POLD1: variants seen among roughly 807,000 people sequenced by gnomAD.
POLD1 encodes the protein DNA polymerase delta 1, catalytic subunit.
In POLD1, 79 loss-of-function variants were observed where a neutral mutation model predicts 129.7. The ratio of observed to expected loss-of-function variants is 0.61; its 90% CI spans 0.51 to 0.73. The LOEUF is 0.73. Ranked by LOEUF, POLD1 falls within the 30% of genes least tolerant of loss-of-function variation. The pLI, the probability that POLD1 is intolerant of heterozygous loss-of-function variation, is 0.00. For synonymous variants in POLD1, 714 were observed against 683.3 expected (o/e 1.04, Z -0.70); for missense variants, 1,338 against 1,595.8 (o/e 0.84, Z 2.75).
chr19:50,394,516 A>G (rs987214870), intron 1 of POLD1, among the ~76,000 whole-genome samples: 1 of 152,032 alleles, frequency 6.6e-6, no homozygotes, highest in Non-Finnish European at 1.5e-5. Flanking sequence ...ATTAGCGGGT[A>G]TGATGGTGGA....
chr19:50,408,653 G>A, intron 14 of POLD1, 132 bp from the exon 15 acceptor site: 1 of 1,366,226 alleles, frequency 7.3e-7, no homozygotes, highest in South Asian at 1.4e-5. Context: ...AATGTGCTGG[G>A]ATTGCAGGAG....
rs1165074470 is a variant in POLD1 at position 50,402,521 on chromosome 19, A to C, written c.826A>C (p.Arg276=). The C allele has an allele frequency of 6.2e-7, 1 of 1,603,260 alleles. No individual in the cohort carries two copies. Among genetic ancestry groups the C allele is most frequent in the African/African-American group, 1.3e-5 (1 of 74,694 alleles). The stretch of plus-strand genomic sequence containing the variant: ...GCTCCCAGCTGGGAAATACGCCCTG[A>C]GGCTGAAGGAGAAGGTGCAGGGCTT... ...LELPAGKYAL[R]LKEKATQCQL... The change falls in exon 7 of 27, where the codon AGG becomes CGG. Residue 276 remains arginine (R), a synonymous_variant. Transcript: ENST00000440232.
At chr19:50,407,445 C>T (rs2038937789) in intron 14 of POLD1, 30 bp downstream of exon 14, 1 of 1,461,292 alleles carries the variant, frequency 6.8e-7, no homozygotes, top group South Asian at 1.2e-5. Flanking sequence ...GCAGTTTTTA[C>T]CTGTAATCTC....
At chr19:50,414,711 C>A in intron 19 of POLD1, 104 bp from the exon 20 acceptor site, 1 of 973,186 alleles carries the variant, frequency 1.0e-6, no homozygotes, top group Non-Finnish European at 1.5e-6. Context: ...CCCATGTCCT[C>A]AAACTGCGTC....
At chr19:50,415,417 G>A (rs758257025) in intron 20 of POLD1, 21 bp from the exon 21 acceptor site, 1 of 1,603,268 alleles carries the variant, frequency 6.2e-7, no homozygotes, top group African/African-American at 1.3e-5. Context: ...TGGTGACGCT[G>A]TGCGGCCCGC....
At chr19:50,391,996 C>T (rs1375850199) in intron 1 of POLD1, among the ~76,000 whole-genome samples, 2 of 152,128 alleles carry the variant, frequency 1.3e-5, no homozygotes, top group African/African-American at 2.4e-5. Context: ...GGATTACAGG[C>T]GTGAGCCACT....
In POLD1 at chr19:50,406,136, T is replaced by C; in HGVS notation, c.1243-46T>C. 1 of 1,592,602 alleles carries C rather than the reference T, an allele frequency of 6.3e-7. No individual in the cohort carries two copies. ...TCAATCTCCGTTCTTCAGGCTTATG[T>C]GACGGGGACCCGCAGCCTGCTGCAC... On this transcript the variant is annotated intron_variant, in intron 10 of 26. Coordinates refer to ENST00000440232, the MANE Select transcript of POLD1 (RefSeq NM_002691.4). This position sits in a 1 kb window ranked among gnomAD's most constrained non-coding sequence, Gnocchi z 5.5.
chr19:50,385,742 T>C (rs2037947148), intron 1 of POLD1, among the ~76,000 whole-genome samples: 1 of 152,110 alleles, frequency 6.6e-6, no homozygotes, highest in Non-Finnish European at 1.5e-5. Flanking sequence ...TTGGCCAGGC[T>C]GGTCTCGAAC....
intron 7 of POLD1, 29 bp from the exon 8 acceptor site, chr19:50,402,583 T>C (rs2122253835): frequency 6.4e-7 from 1 of 1,570,724 alleles, no homozygotes; most frequent in Non-Finnish European, 8.6e-7. Flanking sequence ...GGTACCCTGC[T>C]GCCACCGCTG....
intron 1 of POLD1, among the ~76,000 whole-genome samples, chr19:50,395,792 G>C (rs1238596439): frequency 1.3e-5 from 2 of 148,764 alleles, no homozygotes; most frequent in Non-Finnish European, 3.0e-5. Flanking sequence ...TATCTCCTTA[G>C]AATATTCTTA....
Position 50,409,708 on chromosome 19 carries a change from G to C in POLD1, c.2154+42G>C. The C allele has an allele frequency of 6.4e-7, 1 of 1,564,818 alleles. No individual in the cohort carries two copies. ...CTGGAAGGCAACTGGGGGCAGGTGG[G>C]CCCCCTGTGTAGGAGACCAGGGCTC... On this transcript the variant is annotated intron_variant, in intron 17 of 26. Coordinates refer to ENST00000440232, the MANE Select transcript of POLD1 (RefSeq NM_002691.4). The surrounding 1 kb of genome is among the most constrained non-coding windows in gnomAD (Gnocchi z 5.8).
intron 3 of POLD1, among the ~76,000 whole-genome samples, chr19:50,401,130 A>G (rs2038583909): frequency 6.6e-6 from 1 of 151,470 alleles, no homozygotes; most frequent in South Asian, 2.1e-4. Flanking sequence ...TCTACTAAAA[A>G]TTCAAAAAAT....
At chr19:50,392,539 G>A (rs1038038158) in intron 1 of POLD1, among the ~76,000 whole-genome samples, 17 of 151,476 alleles carry the variant, frequency 1.1e-4, no homozygotes, top group African/African-American at 2.7e-4. Context: ...GTGCAGTGGC[G>A]TGATCGCAGC....
Position 50,417,926 on chromosome 19 carries a change from C to T in POLD1, c.3303C>T (p.Pro1101=). Residue 1101 remains proline (P), a synonymous_variant, in exon 27 of 27, where the codon CCC becomes CCT. Transcript: ENST00000440232. Reference sequence around the variant, plus strand: ...AGCAGCTCCTGCGGCGCTTCGGACCCCCTGGACCTGAGGCCTGGTGACCTT... The same window carrying T: ...AGCAGCTCCTGCGGCGCTTCGGACCTCCTGGACCTGAGGCCTGGTGACCTT... ...DQEQLLRRFG[P]PGPEAW 6.2e-7 allele frequency: 1 copy of T among 1,609,714 alleles called. No homozygotes were observed. Among genetic ancestry groups the T allele is most frequent in the Admixed American group, 1.7e-5 (1 of 59,668 alleles).
At chr19:50,415,303 T>G in intron 20 of POLD1, 135 bp from the exon 21 acceptor site, 1 of 869,710 alleles carries the variant, frequency 1.1e-6, no homozygotes, top group Non-Finnish European at 1.8e-6. Flanking sequence ...CTGCAGCCTA[T>G]GGTAGGAAGG....
rs1256890001 is a variant in POLD1 at position 50,408,331 on chromosome 19, T to C, written c.1776-454T>C. ...GCCTGGGTGACAAAGCGAGACTCCG[T>C]CTCAAAAAAAATAAAATAAAATAAA... On this transcript the variant is annotated intron_variant, in intron 14 of 26. Transcript: ENST00000440232. Among the ~76,000 whole-genome samples the C allele has an allele frequency of 4.6e-5, 7 of 151,980 alleles. No homozygotes were observed. In the South Asian group the frequency reaches 1.2e-3, roughly 27 times the overall value.
intron 14 of POLD1, 66 bp from the exon 15 acceptor site, chr19:50,408,719 A>C (rs750355960): frequency 1.8e-5 from 29 of 1,591,540 alleles, no homozygotes; most frequent in Non-Finnish European, 2.3e-5. Context: ...TGAGGCCACA[A>C]GACAGGGCGG....
chr19:50,417,659 G>A (rs1001787004), intron 26 of POLD1, among the ~76,000 whole-genome samples, 183 bp from the exon 27 acceptor site: 4 of 147,744 alleles, frequency 2.7e-5, no homozygotes, highest in South Asian at 2.1e-4. Context: ...CCAGGCACCC[G>A]CTGTTATCGG....
chr19:50,391,928 G>T (rs1474080771), intron 1 of POLD1, among the ~76,000 whole-genome samples: 2 of 151,886 alleles, frequency 1.3e-5, no homozygotes, highest in Non-Finnish European at 2.9e-5. Context: ...CGTTGGCCAG[G>T]CTGGTCTTAA....
Sources: allele counts gnomAD v4.1 joint callset (sites outside exome capture counted in the v4.1 genomes callset), GRCh38; gene constraint gnomAD v4.1.1; non-coding constraint Gnocchi (gnomAD v3.1); transcripts MANE v1.5; gene names NCBI Gene and HGNC (gene_info 2026-07-23, HGNC 2026-07-21).